The following TPD52L1 variants were observed in gnomAD, a reference collection of about 807,000 sequenced individuals.
The protein encoded by TPD52L1 is TPD52 like 1.
In TPD52L1, 18 loss-of-function variants were observed where a neutral mutation model predicts 28.7. That is an observed-to-expected ratio of 0.63 (90% CI 0.43 to 0.93). TPD52L1 has a LOEUF of 0.93. Ranked by LOEUF, TPD52L1 falls within the 40% of genes least tolerant of loss-of-function variation. TPD52L1 has a pLI of 0.00. For synonymous variants in TPD52L1, 75 were observed against 88.8 expected (o/e 0.84, Z 0.88); for missense variants, 203 against 254.8 (o/e 0.80, Z 1.39).
chr6:125,258,846 T>C (rs903085319), intron 6 of TPD52L1, among the ~76,000 whole-genome samples: 7 of 152,148 alleles, frequency 4.6e-5, no homozygotes, highest in African/African-American at 1.7e-4. Context: ...TGACTGTTCA[T>C]GGTTTAACAA....
chr6:125,202,076 A>T (rs1793829778), intron 1 of TPD52L1, among the ~76,000 whole-genome samples: 1 of 152,166 alleles, frequency 6.6e-6, no homozygotes, highest in Admixed American at 6.5e-5. Context: ...CCCAGTAGGC[A>T]TGGGTCCAGG....
intron 4 of TPD52L1, chr6:125,252,213 T>C (rs894159280): frequency 1.5e-5 from 9 of 610,366 alleles, no homozygotes; most frequent in Non-Finnish European, 2.2e-5. Flanking sequence ...TTTGAACTTA[T>C]TGAAGTACAT....
At chr6:125,259,708 T>G (rs1280878134) in intron 6 of TPD52L1, among the ~76,000 whole-genome samples, 1 of 152,222 alleles carries the variant, frequency 6.6e-6, no homozygotes. Context: ...GACCAAAACC[T>G]TAAAAAGAAA....
chr6:125,172,537 T>TATATATATATATATTATATATATATATA (rs1791523425), intron 1 of TPD52L1, among the ~76,000 whole-genome samples: 1 of 88,866 alleles, frequency 1.1e-5, no homozygotes, highest in Non-Finnish European at 2.1e-5. Flanking sequence ...TATATATATA[T>TATATATATATATATTATATATATATATA]ATATATATAT....
intron 1 of TPD52L1, among the ~76,000 whole-genome samples, chr6:125,172,459 T>TG (rs1282391626): frequency 5.1e-5 from 6 of 118,222 alleles, no homozygotes; most frequent in South Asian, 2.8e-4. Flanking sequence ...GGCCTGGATT[T>TG]TTGTGTGTGT....
intron 1 of TPD52L1, among the ~76,000 whole-genome samples, chr6:125,179,074 G>A (rs1384033646): frequency 6.6e-6 from 1 of 152,182 alleles, no homozygotes; most frequent in African/African-American, 2.4e-5. Flanking sequence ...ACACAGCCCT[G>A]AAGTCCTTCA....
intron 1 of TPD52L1, among the ~76,000 whole-genome samples, chr6:125,193,572 G>C (rs1793202471): frequency 6.6e-6 from 1 of 152,112 alleles, no homozygotes; most frequent in African/African-American, 2.4e-5. Context: ...ACTGCTGTGG[G>C]TGCTGAGGAA....
intron 5 of TPD52L1, among the ~76,000 whole-genome samples, chr6:125,254,370 T>A (rs1043503331): frequency 2.6e-5 from 4 of 151,976 alleles, no homozygotes; most frequent in African/African-American, 9.7e-5. Context: ...CAGGAATGAG[T>A]GTTAAATTGA....
At chr6:125,257,569 A>G (rs1797680503) in intron 6 of TPD52L1, among the ~76,000 whole-genome samples, 1 of 152,198 alleles carries the variant, frequency 6.6e-6, no homozygotes, top group African/African-American at 2.4e-5. Context: ...ACTGGGGACT[A>G]CGTATCCACT....
chr6:125,209,748 G>A (rs1794379092), intron 1 of TPD52L1, among the ~76,000 whole-genome samples: 1 of 152,146 alleles, frequency 6.6e-6, no homozygotes, highest in African/African-American at 2.4e-5. Context: ...CTCAGGGAAA[G>A]CAAAGAAGGA....
intron 1 of TPD52L1, among the ~76,000 whole-genome samples, chr6:125,199,716 A>C (rs1472649907): frequency 1.3e-5 from 2 of 152,240 alleles, no homozygotes; most frequent in Non-Finnish European, 2.9e-5. Context: ...TAAAGGAGAT[A>C]TTAAGTTTAG....
At chr6:125,165,754 G>A (rs484510) in intron 1 of TPD52L1, among the ~76,000 whole-genome samples, 42,486 of 152,024 alleles carry the variant, frequency 0.28, 6,083 homozygotes, top group Admixed American at 0.39. Flanking sequence ...AGAGCGTCTT[G>A]TCAAGGATCA....
At chr6:125,164,510 T>C (rs1790750247) in intron 1 of TPD52L1, among the ~76,000 whole-genome samples, 1 of 152,202 alleles carries the variant, frequency 6.6e-6, no homozygotes, top group Non-Finnish European at 1.5e-5. Context: ...ATCTCAGGAC[T>C]TTAAAATAAA....
At chr6:125,249,319 T>TA (rs112046864) in intron 4 of TPD52L1, among the ~76,000 whole-genome samples, 136 of 146,240 alleles carry the variant, frequency 9.3e-4, no homozygotes, top group African/African-American at 1.8e-3. Flanking sequence ...ATTTCTTCTT[T>TA]AAAAAAAAAA....
Position 125,252,194 on chromosome 6 carries a change from C to T in TPD52L1, c.387-1523C>T, listed in dbSNP as rs140783419. ...GACCAGGAAGATAGTTTATAGGGCACTTAATACATTTGAACTTATTGAAGT... is the reference window on the plus strand; with the variant it reads ...GACCAGGAAGATAGTTTATAGGGCATTTAATACATTTGAACTTATTGAAGT... On this transcript the variant is annotated intron_variant, in intron 4 of 6. Transcript: ENST00000534000. 227 of 729,488 alleles carry T rather than the reference C, an allele frequency of 3.1e-4. No homozygotes were observed. In the East Asian group the frequency reaches 4.0e-3, roughly 13 times the overall value. 45.2% of individuals were successfully genotyped at this position (729,488 alleles called of 1,614,324 possible).
At chr6:125,166,548 A>G (rs1468882657) in intron 1 of TPD52L1, among the ~76,000 whole-genome samples, 2 of 152,138 alleles carry the variant, frequency 1.3e-5, no homozygotes, top group African/African-American at 4.8e-5. Context: ...CTTTTTTTCT[A>G]CCCTCTTAGG....
At chr6:125,199,190 C>T (rs540103753) in intron 1 of TPD52L1, among the ~76,000 whole-genome samples, 8 of 152,164 alleles carry the variant, frequency 5.3e-5, no homozygotes, top group South Asian at 2.1e-4. Flanking sequence ...TCTAATGACT[C>T]GATTTGTTTA....
At chr6:125,232,029 C>T (rs866641620) in intron 3 of TPD52L1, among the ~76,000 whole-genome samples, 10 of 152,020 alleles carry the variant, frequency 6.6e-5, no homozygotes, top group East Asian at 1.9e-4. Context: ...GTTTTGGCTC[C>T]GTAAAGTCTG....
At chr6:125,194,029 T>G (rs1793239196) in intron 1 of TPD52L1, among the ~76,000 whole-genome samples, 1 of 151,380 alleles carries the variant, frequency 6.6e-6, no homozygotes, top group Admixed American at 6.6e-5. Flanking sequence ...AATAGTTTTT[T>G]TTTTTTTTTT....
Sources: gnomAD v4.1 joint callset for allele counts (sites outside exome capture counted in the v4.1 genomes callset) on GRCh38, gnomAD v4.1.1 for gene constraint, MANE v1.5 for transcripts, NCBI Gene and HGNC (gene_info 2026-07-23, HGNC 2026-07-21) for gene names.